The following TGIF2 variants were observed in gnomAD, a reference collection of about 807,000 sequenced individuals.
The protein encoded by TGIF2 is homeobox protein TGIF2.
In TGIF2, 5 loss-of-function variants were observed where a neutral mutation model predicts 15.1. That is an observed-to-expected ratio of 0.33 (90% CI 0.17 to 0.70). The LOEUF (loss-of-function observed/expected upper bound fraction) is 0.70, where lower values mean the gene tolerates loss of function less well. Among genes scored for constraint, TGIF2 ranks in the 30% least tolerant of loss-of-function variants. TGIF2 has a pLI of 0.67. For synonymous variants in TGIF2, 131 were observed against 128.9 expected, an observed-to-expected ratio of 1.02 and a Z score of -0.11; for missense variants, 264 against 302.5, an observed-to-expected ratio of 0.87 and a Z score of 0.94.
chr20:36,577,014 T>TA (rs1196320358), intron 1 of TGIF2, among the ~76,000 whole-genome samples: 1 of 151,690 alleles, frequency 6.6e-6, no homozygotes, highest in Non-Finnish European at 1.5e-5. Flanking sequence ...ATTTTTTTTT[T>TA]ATTATTTTAT....
intron 2 of TGIF2, among the ~76,000 whole-genome samples, chr20:36,584,516 C>T (rs2038612467): frequency 6.6e-6 from 1 of 151,948 alleles, no homozygotes; most frequent in Admixed American, 6.6e-5. Flanking sequence ...TAGCCTAAAG[C>T]CTGGGAGCAT....
Position 36,591,843 on chromosome 20 carries a change from C to A in TGIF2, c.*412C>A. 1 of 162,426 alleles carries A rather than the reference C, an allele frequency of 6.2e-6. No individual in the cohort carries two copies. The highest frequency in any genetic ancestry group is 1.3e-5 in the Non-Finnish European group (1 of 74,682). The allele number at this position is 162,426 out of a possible 1,614,324, so 10.1% of individuals were successfully genotyped here. A position where few individuals can be genotyped will look rare whatever the true frequency, so the allele number is the denominator to read the frequency against. On this transcript the variant is annotated 3_prime_UTR_variant, in exon 3 of 3. Transcript: ENST00000373872. The surrounding 1 kb of genome is among the most constrained non-coding windows in gnomAD (Gnocchi z 5.3). ...AAGCCAGGTGTGGACATTCCAAGTTCATATGCGTGAACAAAAGAAAAGAGG... is the reference window on the plus strand; with the variant it reads ...AAGCCAGGTGTGGACATTCCAAGTTAATATGCGTGAACAAAAGAAAAGAGG...
chr20:36,573,476 A>G (rs2038340734), upstream of TGIF2: 1 of 146,740 alleles, frequency 6.8e-6, no homozygotes, highest in South Asian at 2.3e-4. Context: ...CTCGGCGCCG[A>G]CGGCCCGCCC....
chr20:36,588,439 C>T (rs1403759331), intron 2 of TGIF2, among the ~76,000 whole-genome samples: 2 of 133,724 alleles, frequency 1.5e-5, no homozygotes, highest in Non-Finnish European at 3.1e-5. Context: ...AATTTTGACT[C>T]ACCGCAACCT....
chr20:36,585,683 G>A (rs978794343), intron 2 of TGIF2, among the ~76,000 whole-genome samples: 5 of 151,994 alleles, frequency 3.3e-5, no homozygotes, highest in African/African-American at 9.7e-5. Flanking sequence ...ACTTGCCTGG[G>A]GCTAGGCAGT....
At chr20:36,580,788 T>TG (rs1335014336) in intron 2 of TGIF2, among the ~76,000 whole-genome samples, 1 of 118,252 alleles carries the variant, frequency 8.5e-6, no homozygotes, top group African/African-American at 3.4e-5. Context: ...CACTCCAGAC[T>TG]GGGCGAAGGA....
chr20:36,581,361 G>A (rs1162806698), intron 2 of TGIF2, among the ~76,000 whole-genome samples: 1 of 151,722 alleles, frequency 6.6e-6, no homozygotes, highest in African/African-American at 2.4e-5. Context: ...GGGTCTCCCT[G>A]CCTTCAGCCT....
At chr20:36,589,767 C>T (rs996482870) in intron 2 of TGIF2, among the ~76,000 whole-genome samples, 1 of 152,194 alleles carries the variant, frequency 6.6e-6, no homozygotes, top group Non-Finnish European at 1.5e-5. Context: ...CAGCTCACTG[C>T]AGCCTCAAAC....
intron 1 of TGIF2, among the ~76,000 whole-genome samples, chr20:36,576,717 G>C (rs1391195979): frequency 6.6e-6 from 1 of 151,992 alleles, no homozygotes; most frequent in Non-Finnish European, 1.5e-5. Context: ...TTTTGCGGGG[G>C]GATAGGGGGA....
chr20:36,583,466 A>G (rs8114728), intron 2 of TGIF2, among the ~76,000 whole-genome samples: 1 of 148,114 alleles, frequency 6.8e-6, no homozygotes, highest in African/African-American at 2.5e-5. Context: ...TCTAAAAAGA[A>G]AAAAAAAAAA....
intron 2 of TGIF2, among the ~76,000 whole-genome samples, chr20:36,588,446 A>G (rs961775698): frequency 7.4e-5 from 10 of 134,378 alleles, no homozygotes; most frequent in Non-Finnish European, 1.5e-4. Flanking sequence ...ACTCACCGCA[A>G]CCTCTGCCTT....
At chr20:36,588,000 G>T (rs1371357386) in intron 2 of TGIF2, among the ~76,000 whole-genome samples, 6 of 151,906 alleles carry the variant, frequency 3.9e-5, no homozygotes, top group African/African-American at 1.5e-4. Context: ...AACCCAGGAG[G>T]TCAAGGCTAC....
chr20:36,579,881 CT>C (rs2038509297), intron 2 of TGIF2, among the ~76,000 whole-genome samples: 1 of 152,180 alleles, frequency 6.6e-6, no homozygotes, highest in Non-Finnish European at 1.5e-5. Context: ...GCCTTATCCC[CT>C]TTTTGTCAGA....
Position 36,578,877 on chromosome 20 carries a change from G to T in TGIF2, c.103G>T (p.Asp35Tyr). 6.2e-7 allele frequency: 1 copy of T among 1,614,156 alleles called. No homozygotes were observed. Among genetic ancestry groups the T allele is most frequent in the Non-Finnish European group, 8.5e-7 (1 of 1,180,036 alleles). The change falls in exon 2 of 3, where the codon GAC becomes TAC. Residue 35 changes from aspartate to tyrosine, a missense_variant. Transcript: ENST00000373872. The stretch of plus-strand genomic sequence containing the variant: ...CAAGGAGTCGGTGAAGATCCTCCGG[G>T]ACTGGCTGTACTTGCACCGCTACAA... ...LPKESVKILR[D>Y]WLYLHRYNAY...
Position 36,591,379 on chromosome 20 carries a change from C to T in TGIF2, c.662C>T (p.Ser221Leu). The T allele has an allele frequency of 1.9e-6, 3 of 1,614,184 alleles. No homozygotes were observed. Among genetic ancestry groups the T allele is most frequent in the Non-Finnish European group, 2.5e-6 (3 of 1,180,026 alleles). Residue 221 changes from serine (S) to leucine (L), a missense_variant, in exon 3 of 3, where the codon TCA becomes TTA. Transcript: ENST00000373872. This position sits in a 1 kb window ranked among gnomAD's most constrained non-coding sequence, Gnocchi z 5.3. ...GAGCTTCAGAAGCAGCAGGACCCAT[C>T]ACTCCCATTACTGCACACTCCCATC... The part of the protein sequence containing the change: ...EMELQKQQDP[S>L]LPLLHTPIPL...
intron 1 of TGIF2, among the ~76,000 whole-genome samples, chr20:36,576,372 G>A (rs894948128): frequency 1.3e-5 from 2 of 152,216 alleles, no homozygotes; most frequent in East Asian, 1.9e-4. Flanking sequence ...GAAGCAACCA[G>A]TAGAGAGATG....
intron 1 of TGIF2, among the ~76,000 whole-genome samples, chr20:36,578,452 G>GTACC (rs2038476686): frequency 6.6e-6 from 1 of 151,692 alleles, no homozygotes; most frequent in African/African-American, 2.4e-5. Context: ...CAAATGCTTA[G>GTACC]TACCGAACAT....
upstream of TGIF2, chr20:36,573,476 A>ACGGCC (rs1387314727): frequency 2.0e-5 from 3 of 146,740 alleles, no homozygotes; most frequent in Non-Finnish European, 4.5e-5. Context: ...CTCGGCGCCG[A>ACGGCC]CGGCCCGCCC....
chr20:36,586,896 C>CT (rs1452356272), intron 2 of TGIF2, among the ~76,000 whole-genome samples: 2 of 152,226 alleles, frequency 1.3e-5, no homozygotes, highest in South Asian at 2.1e-4. Context: ...GCATCACAGC[C>CT]TTTGTCAGCC....
Sources: gnomAD v4.1 joint callset for allele counts (sites outside exome capture counted in the v4.1 genomes callset) on GRCh38, gnomAD v4.1.1 for gene constraint, Gnocchi (gnomAD v3.1) non-coding constraint, MANE v1.5 for transcripts, NCBI Gene and HGNC (gene_info 2026-07-23, HGNC 2026-07-21) for gene names.